ZC4H2: variants seen among roughly 807,000 people sequenced by gnomAD.
The protein encoded by ZC4H2 is zinc finger C4H2-type containing.
For missense variants in ZC4H2, 137 were observed against 173.9 expected, an observed-to-expected ratio of 0.79 and a Z score of 1.19; for synonymous variants, 84 against 66.3, an observed-to-expected ratio of 1.27 and a Z score of -1.30.
At chrX:64,920,642 G>A (rs1204471886) in intron 2 of ZC4H2, among the ~76,000 whole-genome samples, 2 of 112,274 alleles carry the variant, frequency 1.8e-5, no homozygotes, top group Admixed American at 9.4e-5. Context: ...AAGAGAAAAA[G>A]GGACTTTCCT....
intron 1 of ZC4H2, among the ~76,000 whole-genome samples, chrX:65,022,773 A>C (rs1384470750): frequency 8.9e-6 from 1 of 112,033 alleles, no homozygotes; most frequent in Non-Finnish European, 1.9e-5. Context: ...AGAACTACAA[A>C]CCACTGCTCA....
intron 1 of ZC4H2, among the ~76,000 whole-genome samples, chrX:64,935,251 T>A (rs763821410): frequency 9.0e-6 from 1 of 111,660 alleles, no homozygotes; most frequent in East Asian, 2.8e-4. Context: ...GCTCAGCAAG[T>A]TTGCTGTGGC....
chrX:64,995,357 T>C (rs1206367164), intron 1 of ZC4H2, among the ~76,000 whole-genome samples: 1 of 111,767 alleles, frequency 8.9e-6, no homozygotes, highest in Non-Finnish European at 1.9e-5. Context: ...CTCTCAAGCT[T>C]AGCAGTGGTC....
rs1299084583 is a variant in ZC4H2, at chrX:65,004,846, C to T, written c.-272+29783G>A. 2.7e-5 allele frequency among the ~76,000 whole-genome samples: 3 copies of T among 111,690 alleles called. No individual in the cohort carries two copies. In the Admixed American group the frequency reaches 2.8e-4, roughly 11 times the overall value. ...TTTAGAAAACCCCATCATCTCAGCC[C>T]CAAATCTCCTTAAGCTGATAAGCAA... On this transcript the variant is annotated intron_variant, in intron 1 of 4. Coordinates refer to the ZC4H2 transcript ENST00000337990.
chrX:65,028,167 T>TCTAG (rs767894247), intron 1 of ZC4H2, among the ~76,000 whole-genome samples: 131 of 111,503 alleles, frequency 1.2e-3, no homozygotes, highest in African/African-American at 3.9e-3. Flanking sequence ...TAGCCAGCTA[T>TCTAG]CTAGCTAGCT....
At chrX:64,919,227 C>G in intron 3 of ZC4H2, 23 bp from the exon 4 acceptor site, 1 of 1,207,718 alleles carries the variant, frequency 8.3e-7, no homozygotes, top group Non-Finnish European at 1.1e-6. Context: ...GAGACACTGG[C>G]TAGATCATTC....
intron 1 of ZC4H2, among the ~76,000 whole-genome samples, chrX:64,924,958 T>G (rs1483350873): frequency 9.0e-6 from 1 of 111,307 alleles, no homozygotes; most frequent in African/African-American, 3.3e-5. Flanking sequence ...ATCATCTCAC[T>G]TCACTTCCCT....
chrX:64,923,625 A>G (rs1304039304), intron 1 of ZC4H2, among the ~76,000 whole-genome samples: 2 of 110,225 alleles, frequency 1.8e-5, no homozygotes, highest in Admixed American at 9.8e-5. Flanking sequence ...TTAGGTGGGT[A>G]GGATGGTGGG....
chrX:65,030,332 G>A (rs925263606), intron 1 of ZC4H2, among the ~76,000 whole-genome samples: 4 of 110,058 alleles, frequency 3.6e-5, no homozygotes, highest in African/African-American at 6.6e-5. Flanking sequence ...CATTGCCCAG[G>A]CTGGTCTCGA....
chrX:64,937,554 A>G (rs1930072153), intron 1 of ZC4H2, among the ~76,000 whole-genome samples: 1 of 111,838 alleles, frequency 8.9e-6, no homozygotes, highest in Non-Finnish European at 1.9e-5. Context: ...ACTCCTCAGC[A>G]AATGCAAAAC....
intron 1 of ZC4H2, among the ~76,000 whole-genome samples, chrX:65,025,221 T>A (rs1340093805): frequency 1.0e-5 from 1 of 97,677 alleles, no homozygotes; most frequent in African/African-American, 3.9e-5. Context: ...CAATTACAGC[T>A]CACAGCAGCC....
chrX:64,986,702 A>G (rs1319234133), intron 1 of ZC4H2, among the ~76,000 whole-genome samples: 1 of 110,814 alleles, frequency 9.0e-6, no homozygotes, highest in Non-Finnish European at 1.9e-5. Flanking sequence ...GGTGGAAGCA[A>G]TGGAGGAAGG....
At position 64,976,398 on chromosome X, in the gene ZC4H2, C is replaced by T; in HGVS notation, c.-21G>A. The T allele has an allele frequency of 1.7e-6, 2 of 1,205,696 alleles. No individual in the cohort carries two copies. Among genetic ancestry groups the T allele is most frequent in the Admixed American group, 2.2e-5 (1 of 46,052 alleles). ...GCCATACTTTTCACTGTCAATTTCA[C>T]GTCCCGAGAGATGTACAAATACACC... On this transcript the variant is annotated 5_prime_UTR_variant, in exon 1 of 5. The change creates a new upstream start codon in the 5' untranslated region. Transcript: ENST00000374839.
intron 1 of ZC4H2, among the ~76,000 whole-genome samples, chrX:65,019,431 T>C (rs999006954): frequency 8.9e-6 from 1 of 112,208 alleles, no homozygotes; most frequent in African/African-American, 3.2e-5. Context: ...CCAGCAGACC[T>C]GCAGCAGAGG....
At chrX:64,939,165 T>C (rs1239942017) in intron 1 of ZC4H2, among the ~76,000 whole-genome samples, 1 of 111,676 alleles carries the variant, frequency 9.0e-6, no homozygotes, top group African/African-American at 3.3e-5. Context: ...GAGAGCCAAA[T>C]CATGAGTGAA....
chrX:64,989,104 C>T (rs1422124334), intron 1 of ZC4H2, among the ~76,000 whole-genome samples: 3 of 112,004 alleles, frequency 2.7e-5, no homozygotes, highest in African/African-American at 9.8e-5. Context: ...CAGTACCATG[C>T]TGTTTTGGTT....
chrX:64,942,215 T>A (rs1484823650), intron 1 of ZC4H2, among the ~76,000 whole-genome samples: 1 of 111,803 alleles, frequency 8.9e-6, no homozygotes, highest in East Asian at 2.8e-4. Context: ...TGGTAGTTTT[T>A]ATTTCCATGG....
intron 1 of ZC4H2, among the ~76,000 whole-genome samples, chrX:64,986,659 G>C (rs1272913056): frequency 1.8e-5 from 2 of 111,111 alleles, no homozygotes; most frequent in African/African-American, 6.6e-5. Context: ...TGGAAATAGG[G>C]GTTCCAGCTA....
intron 1 of ZC4H2, among the ~76,000 whole-genome samples, chrX:65,006,370 T>C (rs757980139): frequency 9.0e-6 from 1 of 111,633 alleles, no homozygotes. Flanking sequence ...CATGGAATAC[T>C]ATGCAGCAAT....
Sources: allele counts gnomAD v4.1 joint callset (sites outside exome capture counted in the v4.1 genomes callset), GRCh38; gene constraint gnomAD v4.1.1; transcripts MANE v1.5; gene names NCBI Gene and HGNC (gene_info 2026-07-23, HGNC 2026-07-21).